The following MAD1L1 variants were observed in gnomAD, a reference collection of about 807,000 sequenced individuals.
The protein encoded by MAD1L1 is mitotic spindle assembly checkpoint protein MAD1.
A neutral mutation model predicts 96.9 loss-of-function variants in MAD1L1; 95 were observed. The ratio of observed to expected loss-of-function variants is 0.98; its 90% CI spans 0.83 to 1.16. MAD1L1 has a LOEUF of 1.16. Ranked by LOEUF, MAD1L1 falls within the 50% of genes most tolerant of loss-of-function variation. The pLI is 0.00. For synonymous variants in MAD1L1, 473 were observed against 396.6 expected (o/e 1.19, Z -2.29); for missense variants, 1,007 against 954.4 (o/e 1.06, Z -0.73).
At chr7:1,926,577 A>C (rs956209646) in intron 17 of MAD1L1, among the ~76,000 whole-genome samples, 12 of 152,212 alleles carry the variant, frequency 7.9e-5, no homozygotes, top group South Asian at 6.2e-4. Context: ...GAAACTTCCC[A>C]AAAAAATCAC....
chr7:2,151,790 CAG>C (rs1789583847), intron 10 of MAD1L1, among the ~76,000 whole-genome samples: 1 of 152,190 alleles, frequency 6.6e-6, no homozygotes. Context: ...GTGACAGTGA[CAG>C]AGCTCTCTTC....
chr7:1,924,995 T>C lies in MAD1L1; in HGVS notation c.1807+11692A>G, dbSNP rs1789011421. ...AAGACATAGATACATCAAAATGGAG[T>C]ATAAAAAAGGCCAAATAACCTGAAA... On this transcript the variant is annotated intron_variant, in intron 17 of 18. Transcript: ENST00000265854. Among the ~76,000 whole-genome samples, 4 of 150,952 alleles carry C rather than the reference T, an allele frequency of 2.6e-5. No homozygotes were observed. In the South Asian group the frequency reaches 8.4e-4, roughly 32 times the overall value.
At chr7:2,232,106 C>T (rs1584615207) in intron 1 of MAD1L1, among the ~76,000 whole-genome samples, 2 of 152,206 alleles carry the variant, frequency 1.3e-5, no homozygotes, top group African/African-American at 2.4e-5. Flanking sequence ...GAACTTTGCA[C>T]CCCCAACACC....
At chr7:1,966,956 G>A (rs1458105849) in intron 15 of MAD1L1, among the ~76,000 whole-genome samples, 1 of 152,268 alleles carries the variant, frequency 6.6e-6, no homozygotes, top group Non-Finnish European at 1.5e-5. Context: ...AAATCCTTCA[G>A]AAGGAAAGAG....
chr7:2,034,053 G>A (rs750877537), intron 12 of MAD1L1, among the ~76,000 whole-genome samples: 17 of 152,118 alleles, frequency 1.1e-4, no homozygotes, highest in Admixed American at 2.6e-4. Flanking sequence ...CCAAGATGGC[G>A]CCACCACATT....
chr7:2,118,653 G>A (rs577969672), intron 11 of MAD1L1, among the ~76,000 whole-genome samples: 4 of 152,280 alleles, frequency 2.6e-5, no homozygotes, highest in Admixed American at 6.5e-5. Flanking sequence ...GAACAGGGCC[G>A]TCCCTCCCAG....
intron 18 of MAD1L1, among the ~76,000 whole-genome samples, chr7:1,882,687 G>A (rs965116719): frequency 6.6e-6 from 1 of 152,198 alleles, no homozygotes; most frequent in Admixed American, 6.5e-5. Context: ...GAAGGCTGCT[G>A]GGTGGGCATG....
At chr7:1,893,877 C>G (rs1327735644) in intron 18 of MAD1L1, among the ~76,000 whole-genome samples, 4 of 152,224 alleles carry the variant, frequency 2.6e-5, no homozygotes, top group African/African-American at 9.6e-5. Flanking sequence ...AGGGCCACCG[C>G]TGCATGGCCC....
intron 12 of MAD1L1, among the ~76,000 whole-genome samples, chr7:2,062,056 C>G (rs1447263176): frequency 6.6e-6 from 1 of 151,746 alleles, no homozygotes; most frequent in African/African-American, 2.4e-5. Flanking sequence ...GCCTGGCCAA[C>G]ATGGTGAAAC....
At chr7:1,825,722 A>G (rs1355451790) in intron 18 of MAD1L1, among the ~76,000 whole-genome samples, 1 of 152,152 alleles carries the variant, frequency 6.6e-6, no homozygotes, top group Non-Finnish European at 1.5e-5. Context: ...CCTTCCCTAA[A>G]ACGTCTCAGG....
chr7:2,001,420 G>A (rs1342529040), intron 14 of MAD1L1, among the ~76,000 whole-genome samples: 4 of 152,260 alleles, frequency 2.6e-5, no homozygotes, highest in Admixed American at 1.3e-4. Flanking sequence ...CTAAAACAGT[G>A]GGAAGCTTTT....
intron 17 of MAD1L1, among the ~76,000 whole-genome samples, chr7:1,902,148 C>A (rs1470671829): frequency 1.3e-5 from 2 of 152,148 alleles, no homozygotes; most frequent in Admixed American, 6.5e-5. Context: ...GAACAGCCAC[C>A]CCCTCACCAC....
At chr7:1,845,499 GGGAAGA>G (rs1783555921) in intron 18 of MAD1L1, 6 of 70,212 alleles carry the variant, frequency 8.5e-5, no homozygotes, top group African/African-American at 3.2e-4. Flanking sequence ...CTGATTCATG[GGGAAGA>G]GCTCTGTTTA....
chr7:2,210,396 T>C (rs1160435514), intron 10 of MAD1L1, among the ~76,000 whole-genome samples: 1 of 151,874 alleles, frequency 6.6e-6, no homozygotes, highest in Non-Finnish European at 1.5e-5. Flanking sequence ...TACCAAACCC[T>C]CCCGGTGATT....
rs117164281 is a variant in MAD1L1, at chr7:1,934,266, C to T, written c.1807+2421G>A. Among the ~76,000 whole-genome samples the T allele has an allele frequency of 0.012, 1,898 of 152,320 alleles. 146 individuals carry two copies. The East Asian group carries it at 0.24, about 19-fold the overall frequency. On this transcript the variant is annotated intron_variant, in intron 17 of 18. Transcript: ENST00000265854. Reference sequence around the variant, plus strand: ...CATGGTCAGCTCAGACACGCCTCTTCGCACCCCCCACTCCCAATCAGCCAT... The same window carrying T: ...CATGGTCAGCTCAGACACGCCTCTTTGCACCCCCCACTCCCAATCAGCCAT...
chr7:1,884,687 CGGA>C (rs1785901521), intron 18 of MAD1L1, among the ~76,000 whole-genome samples: 2 of 152,176 alleles, frequency 1.3e-5, no homozygotes, highest in Non-Finnish European at 2.9e-5. Flanking sequence ...TCTGAGTGGG[CGGA>C]GGAGAACCCC....
At chr7:2,222,082 T>G (rs1397191107) in intron 5 of MAD1L1, among the ~76,000 whole-genome samples, 1 of 152,026 alleles carries the variant, frequency 6.6e-6, no homozygotes, top group Admixed American at 6.5e-5. Flanking sequence ...TAACTTTTTT[T>G]TTTTTTTTTG....
chr7:2,102,050 C>A (rs1014437579), intron 11 of MAD1L1, among the ~76,000 whole-genome samples: 3 of 152,026 alleles, frequency 2.0e-5, no homozygotes, highest in African/African-American at 2.4e-5. Flanking sequence ...GTCTCCCCAG[C>A]AGAAGAGGCT....
At chr7:2,158,081 G>A (rs1056698483) in intron 10 of MAD1L1, among the ~76,000 whole-genome samples, 4 of 152,218 alleles carry the variant, frequency 2.6e-5, no homozygotes, top group Admixed American at 1.3e-4. Flanking sequence ...TGCTGAACAC[G>A]CGGGCTTCAG....
Sources: gnomAD v4.1 joint callset for allele counts (sites outside exome capture counted in the v4.1 genomes callset) on GRCh38, gnomAD v4.1.1 for gene constraint, MANE v1.5 for transcripts, NCBI Gene and HGNC (gene_info 2026-07-23, HGNC 2026-07-21) for gene names.